ABCD2: variants seen among roughly 807,000 people sequenced by gnomAD.
ABCD2 encodes the protein ATP binding cassette subfamily D member 2.
A neutral mutation model predicts 70.9 loss-of-function variants in ABCD2; 36 were observed. That is an observed-to-expected ratio of 0.51 (90% CI 0.39 to 0.67). ABCD2 has a LOEUF of 0.67. Ranked by LOEUF, ABCD2 falls within the 30% of genes least tolerant of loss-of-function variation. The probability of loss-of-function intolerance (pLI) is 0.00; values close to 1 mark genes in which losing one functional copy is unlikely to be tolerated. For synonymous variants in ABCD2, 304 were observed against 306.9 expected (o/e 0.99, Z 0.10); for missense variants, 729 against 890.2 (o/e 0.82, Z 2.30).
chr12:39,576,834 A>T (rs1941524333), intron 8 of ABCD2, among the ~76,000 whole-genome samples: 1 of 152,232 alleles, frequency 6.6e-6, no homozygotes, highest in Admixed American at 6.5e-5. Flanking sequence ...GGTATTGGTT[A>T]CATAATGTAG....
chr12:39,532,772 G>T, the ABCD2 span, among the ~76,000 whole-genome samples: 1 of 152,094 alleles, frequency 6.6e-6, no homozygotes, highest in East Asian at 1.9e-4. Context: ...TGTTTTAAAA[G>T]AAAATATCTA....
intron 9 of ABCD2, among the ~76,000 whole-genome samples, chr12:39,560,062 C>A (rs532288631): frequency 4.7e-4 from 71 of 152,196 alleles, no homozygotes; most frequent in Non-Finnish European, 6.8e-4. Context: ...GCACAATGTG[C>A]AGGTTTGTTA....
chr12:39,576,701 A>G (rs565595940), intron 8 of ABCD2, among the ~76,000 whole-genome samples: 57 of 152,356 alleles, frequency 3.7e-4, no homozygotes, highest in African/African-American at 1.1e-3. Flanking sequence ...CTGAAGTTAT[A>G]CAACAAGCAA....
chr12:39,580,215 A>G (rs1458912401), intron 7 of ABCD2, among the ~76,000 whole-genome samples: 3 of 152,150 alleles, frequency 2.0e-5, no homozygotes, highest in African/African-American at 7.2e-5. Context: ...TGCTGGGACT[A>G]CAGGTGTGAG....
At chr12:39,534,706 G>GGAAGGACGGAAGGAAGGAAA in the ABCD2 span, among the ~76,000 whole-genome samples, 6 of 133,316 alleles carry the variant, frequency 4.5e-5, no homozygotes, top group Admixed American at 1.6e-4. Flanking sequence ...AAGGACGGAA[G>GGAAGGACGGAAGGAAGGAAA]GAAGGAAGGA....
chr12:39,607,378 TA>T (rs2120745953), intron 3 of ABCD2, among the ~76,000 whole-genome samples: 1 of 152,202 alleles, frequency 6.6e-6, no homozygotes, highest in African/African-American at 2.4e-5. Flanking sequence ...GATATCATAC[TA>T]TAGAGGGAAA....
chr12:39,577,386 G>C (rs1180490564), intron 8 of ABCD2, among the ~76,000 whole-genome samples: 1 of 152,126 alleles, frequency 6.6e-6, no homozygotes, highest in Non-Finnish European at 1.5e-5. Flanking sequence ...TGGGGAACAA[G>C]ATAAAGGACC....
In ABCD2 at chr12:39,574,152, G is replaced by A. The variant is rs562750247; in HGVS notation, c.1878-311C>T. Among the ~76,000 whole-genome samples the A allele has an allele frequency of 7.9e-5, 12 of 152,208 alleles. No individual in the cohort carries two copies. In the East Asian group the frequency reaches 1.5e-3, roughly 20 times the overall value. ...GGCAGGTCACTGAGTACATTTTCCT[G>A]CAGAAAGCAGGTTCATTGTTGGTGA... On this transcript the variant is annotated intron_variant, in intron 8 of 9. Transcript: ENST00000308666.
At chr12:39,558,389 T>C (rs1014170819) in intron 9 of ABCD2, among the ~76,000 whole-genome samples, 61 of 152,128 alleles carry the variant, frequency 4.0e-4, no homozygotes, top group African/African-American at 1.4e-3. Context: ...CATGATTATG[T>C]TTTGAAAGTG....
chr12:39,600,884 A>G (rs1219409052), intron 5 of ABCD2, among the ~76,000 whole-genome samples, 168 bp from the exon 6 acceptor site: 1 of 152,186 alleles, frequency 6.6e-6, no homozygotes, highest in Non-Finnish European at 1.5e-5. Context: ...GCTTTTGACT[A>G]TTCTCTGAAG....
chr12:39,541,695 A>G, the ABCD2 span, among the ~76,000 whole-genome samples: 1 of 152,234 alleles, frequency 6.6e-6, no homozygotes, highest in Non-Finnish European at 1.5e-5. Flanking sequence ...CGTGACATGG[A>G]TAAAAATGTT....
Position 39,586,278 on chromosome 12 carries a change from T to G in ABCD2, c.1666A>C (p.Ser556Arg). 6.2e-7 allele frequency: 1 copy of G among 1,612,556 alleles called. No homozygotes were observed. Among genetic ancestry groups the G allele is most frequent in the Non-Finnish European group, 8.5e-7 (1 of 1,179,324 alleles). Reference sequence around the variant, plus strand: ...GGGTAAATGACTTGATCCCGAAGACTTCCAAGAGACATATATGGCCTTTAA... The same window carrying G: ...GGGTAAATGACTTGATCCCGAAGACGTCCAAGAGACATATATGGCCTTTAA... ...IPQRPYMSLGSLRDQVIYPDS... is the reference protein window; with the variant it reads ...IPQRPYMSLGRLRDQVIYPDS... The change falls in exon 7 of 10, where the codon AGT (serine) becomes CGT (arginine). Residue 556 changes from serine (S) to arginine (R), a missense_variant. Transcript: ENST00000308666.
intron 9 of ABCD2, among the ~76,000 whole-genome samples, chr12:39,564,124 A>G (rs760847353): frequency 9.2e-5 from 14 of 152,230 alleles, no homozygotes; most frequent in Middle Eastern, 3.4e-3. Context: ...ATGATTTATA[A>G]TCCTTTGTGT....
chr12:39,560,171 C>T (rs1941234025), intron 9 of ABCD2, among the ~76,000 whole-genome samples: 1 of 152,190 alleles, frequency 6.6e-6, no homozygotes, highest in African/African-American at 2.4e-5. Flanking sequence ...TGCCCCCACC[C>T]CACAACAGGC....
chr12:39,564,633 A>G (rs1314469954), intron 9 of ABCD2, among the ~76,000 whole-genome samples: 2 of 152,162 alleles, frequency 1.3e-5, no homozygotes, highest in Admixed American at 1.3e-4. Flanking sequence ...CTTTAGTTTA[A>G]TTAGATCCCA....
chr12:39,587,705 T>A (rs979316560), intron 6 of ABCD2, among the ~76,000 whole-genome samples: 7 of 152,174 alleles, frequency 4.6e-5, no homozygotes, highest in Non-Finnish European at 1.0e-4. Context: ...TAATAAAGTT[T>A]TTACTTTTGG....
intron 9 of ABCD2, among the ~76,000 whole-genome samples, chr12:39,560,618 A>G (rs911313268): frequency 7.2e-5 from 11 of 152,166 alleles, no homozygotes; most frequent in Non-Finnish European, 1.2e-4. Context: ...TGCAATTTGT[A>G]TATACTTTAA....
At chr12:39,583,961 A>G (rs1941631617) in intron 7 of ABCD2, among the ~76,000 whole-genome samples, 1 of 151,950 alleles carries the variant, frequency 6.6e-6, no homozygotes, top group Non-Finnish European at 1.5e-5. Flanking sequence ...TGTTTTTGCT[A>G]TTGTGTATAG....
intron 9 of ABCD2, among the ~76,000 whole-genome samples, chr12:39,557,083 G>T (rs1035963393): frequency 2.6e-5 from 4 of 152,146 alleles, no homozygotes; most frequent in African/African-American, 9.7e-5. Context: ...ATGGGAAGAT[G>T]TGGGAAAGTT....
Sources: allele counts gnomAD v4.1 joint callset (sites outside exome capture counted in the v4.1 genomes callset), GRCh38; gene constraint gnomAD v4.1.1; transcripts MANE v1.5; gene names NCBI Gene and HGNC (gene_info 2026-07-23, HGNC 2026-07-21).